Variants in PTPRD observed in about 807,000 individuals in gnomAD.
The protein encoded by PTPRD is receptor-type tyrosine-protein phosphatase delta.
PTPRD carries 34 observed loss-of-function variants against 214.5 expected under a neutral mutation model. That is an observed-to-expected ratio of 0.16 (90% CI 0.12 to 0.21). PTPRD has a LOEUF of 0.21. Among genes scored for constraint, PTPRD ranks in the 10% least tolerant of loss-of-function variants. The pLI, the probability that PTPRD is intolerant of heterozygous loss-of-function variation, is 1.00. For synonymous variants in PTPRD, 1,128 were observed against 845.7 expected (o/e 1.33, Z -5.79); for missense variants, 2,545 against 2,398.7 (o/e 1.06, Z -1.27).
rs1360572223 is a variant in PTPRD, at chr9:8,521,585, G to T, written c.692-39C>A. The T allele has an allele frequency of 2.5e-6, 4 of 1,593,494 alleles. No homozygotes were observed. The African/African-American group carries it at 5.4e-5, about 21-fold the overall frequency. On this transcript the variant is annotated intron_variant, in intron 19 of 45. Coordinates refer to ENST00000381196, the MANE Select transcript of PTPRD (RefSeq NM_002839.4). The stretch of plus-strand genomic sequence containing the variant: ...CAAGGGAAATGATAACATATACAAG[G>T]CAAGAAAAAGTGGATTATTAAACAC...
intron 7 of PTPRD, among the ~76,000 whole-genome samples, chr9:9,701,045 A>G (rs1452336816): frequency 6.6e-6 from 1 of 152,074 alleles, no homozygotes; most frequent in Non-Finnish European, 1.5e-5. Context: ...AGATTAAAAA[A>G]AAAAAAAAAA....
intron 9 of PTPRD, among the ~76,000 whole-genome samples, chr9:9,245,736 T>A (rs1046061196): frequency 6.6e-6 from 1 of 152,164 alleles, no homozygotes; most frequent in Non-Finnish European, 1.5e-5. Context: ...AACCTGCACG[T>A]TGTGCACATG....
chr9:9,142,166 A>G lies in PTPRD; in HGVS notation c.-143+41138T>C, dbSNP rs541722088. The stretch of plus-strand genomic sequence containing the variant: ...ACAGGTGCTCTTTGAATGCAGGCTC[A>G]TTATCATTTAAGCTCCGCAGAGGCA... On this transcript the variant is annotated intron_variant, in intron 10 of 45. Coordinates refer to ENST00000381196, the MANE Select transcript of PTPRD (RefSeq NM_002839.4). 2.6e-5 allele frequency among the ~76,000 whole-genome samples: 4 copies of G among 152,350 alleles called. No homozygotes were observed. The South Asian group carries it at 8.3e-4, about 32-fold the overall frequency.
chr9:9,744,138 A>C (rs1234988979), intron 6 of PTPRD, among the ~76,000 whole-genome samples: 2 of 152,080 alleles, frequency 1.3e-5, no homozygotes, highest in African/African-American at 4.8e-5. Flanking sequence ...ATTTTAACTC[A>C]CTTGAGGAGA....
intron 5 of PTPRD, among the ~76,000 whole-genome samples, chr9:9,818,047 G>A (rs1056894447): frequency 1.3e-5 from 2 of 152,244 alleles, no homozygotes; most frequent in Non-Finnish European, 2.9e-5. Context: ...TGTAACTTTG[G>A]TTCTCTCACA....
chr9:9,674,036 G>A (rs962196166), intron 7 of PTPRD, among the ~76,000 whole-genome samples: 3 of 151,810 alleles, frequency 2.0e-5, no homozygotes, highest in Non-Finnish European at 4.4e-5. Flanking sequence ...ACAGCTACAG[G>A]AGGAAGAGAG....
rs2094181108 is a variant in PTPRD, at chr9:9,959,313, G to T, written c.-471-20703C>A. Among the ~76,000 whole-genome samples, 3 of 152,208 alleles carry T rather than the reference G, an allele frequency of 2.0e-5. No individual in the cohort carries two copies. The South Asian group carries it at 6.2e-4, about 32-fold the overall frequency. On this transcript the variant is annotated intron_variant, in intron 4 of 45. Transcript: ENST00000381196. ...GCAAAACTTGTAGAAATAGTAAAAT[G>T]ATCAGTTGTTTCCAGAGCCTCGAGA... is the stretch of plus-strand genomic sequence containing the variant.
At chr9:10,331,458 G>A (rs982842910) in intron 3 of PTPRD, among the ~76,000 whole-genome samples, 1 of 151,858 alleles carries the variant, frequency 6.6e-6, no homozygotes, top group Non-Finnish European at 1.5e-5. Context: ...CCCATTCCCT[G>A]TCTGAATTCC....
intron 2 of PTPRD, among the ~76,000 whole-genome samples, chr9:10,470,358 T>C (rs1038802637): frequency 1.3e-5 from 2 of 152,146 alleles, no homozygotes; most frequent in Non-Finnish European, 1.5e-5. Context: ...TCAAAATCCA[T>C]TATATAGCTA....
chr9:10,359,953 C>A (rs1041944509), intron 2 of PTPRD, among the ~76,000 whole-genome samples: 1 of 152,154 alleles, frequency 6.6e-6, no homozygotes, highest in Non-Finnish European at 1.5e-5. Flanking sequence ...GTTTTGAAAG[C>A]TGCATTTGAA....
chr9:8,843,007 C>G (rs2097590572), intron 11 of PTPRD, among the ~76,000 whole-genome samples: 1 of 152,168 alleles, frequency 6.6e-6, no homozygotes, highest in African/African-American at 2.4e-5. Context: ...TTCACTCTCA[C>G]AGCATCCTAT....
intron 3 of PTPRD, among the ~76,000 whole-genome samples, chr9:10,054,707 A>C (rs2097590625): frequency 6.6e-6 from 1 of 152,130 alleles, no homozygotes; most frequent in Non-Finnish European, 1.5e-5. Context: ...TGGCCTAATC[A>C]CACTGACCAG....
intron 8 of PTPRD, among the ~76,000 whole-genome samples, chr9:9,517,742 GA>G (rs951709782): frequency 6.6e-6 from 1 of 151,742 alleles, no homozygotes; most frequent in African/African-American, 2.4e-5. Context: ...AAAATTTCCA[GA>G]AAAAAATGGT....
intron 24 of PTPRD, 151 bp from the exon 25 acceptor site, chr9:8,499,991 G>T: frequency 9.2e-5 from 32 of 346,626 alleles, no homozygotes; most frequent in East Asian, 1.1e-4. Context: ...TTCAACCAAT[G>T]AAAATGCTTA....
intron 4 of PTPRD, among the ~76,000 whole-genome samples, chr9:9,998,773 A>G (rs895371017): frequency 2.6e-5 from 4 of 152,138 alleles, no homozygotes; most frequent in Non-Finnish European, 5.9e-5. Context: ...TAGCTCTAAC[A>G]AGACCACTTG....
chr9:9,364,520 A>G (rs769306825), intron 9 of PTPRD, among the ~76,000 whole-genome samples: 23 of 151,456 alleles, frequency 1.5e-4, no homozygotes, highest in Non-Finnish European at 2.4e-4. Context: ...TGAGGCAGCT[A>G]TCCCTGCACA....
At chr9:10,405,374 A>T (rs541155827) in intron 2 of PTPRD, among the ~76,000 whole-genome samples, 1 of 151,806 alleles carries the variant, frequency 6.6e-6, no homozygotes, top group East Asian at 2.0e-4. Flanking sequence ...TTTTCTACAA[A>T]TCTGTTAACA....
At chr9:9,923,802 T>C (rs1472019773) in intron 5 of PTPRD, among the ~76,000 whole-genome samples, 3 of 151,924 alleles carry the variant, frequency 2.0e-5, no homozygotes, top group Non-Finnish European at 4.4e-5. Context: ...AGAAAGATAC[T>C]AGAAGTTGTA....
intron 11 of PTPRD, among the ~76,000 whole-genome samples, chr9:8,927,563 T>G (rs1177235824): frequency 6.6e-6 from 1 of 152,316 alleles, no homozygotes; most frequent in South Asian, 2.1e-4. Context: ...CTGCATAGTA[T>G]TCCATGGTGT....
Sources: gnomAD v4.1 joint callset for allele counts (sites outside exome capture counted in the v4.1 genomes callset) on GRCh38, gnomAD v4.1.1 for gene constraint, MANE v1.5 for transcripts, NCBI Gene and HGNC (gene_info 2026-07-23, HGNC 2026-07-21) for gene names.